SNX10: variants seen among roughly 807,000 people sequenced by gnomAD.
SNX10 encodes the protein sorting nexin 10.
SNX10 carries 25 observed loss-of-function variants against 28.5 expected under a neutral mutation model. The ratio of observed to expected loss-of-function variants is 0.88; its 90% CI spans 0.64 to 1.22. SNX10 has a LOEUF of 1.22. Among genes scored for constraint, SNX10 ranks in the 50% most tolerant of loss-of-function variants. The pLI is 0.00. For synonymous variants in SNX10, 62 were observed against 81.4 expected (o/e 0.76, Z 1.28); for missense variants, 223 against 242.6 (o/e 0.92, Z 0.54).
At chr7:26,371,099 G>A (rs1054562920) in intron 5 of SNX10, among the ~76,000 whole-genome samples, 1 of 151,334 alleles carries the variant, frequency 6.6e-6, no homozygotes, top group African/African-American at 2.4e-5. Context: ...AATCTGTTCT[G>A]TCTTTGTAAA....
At chr7:26,330,096 G>C (rs1294472941) in intron 1 of SNX10, among the ~76,000 whole-genome samples, 2 of 152,166 alleles carry the variant, frequency 1.3e-5, no homozygotes, top group Admixed American at 6.5e-5. Context: ...GGCCAGGGCT[G>C]TGGCCACATG....
In SNX10 at chr7:26,364,706, A is replaced by T; in HGVS notation, c.212+71A>T. On this transcript the variant is annotated intron_variant, in intron 4 of 6. Coordinates refer to ENST00000338523, the MANE Select transcript of SNX10 (RefSeq NM_013322.3). This position sits in a 1 kb window ranked among gnomAD's most constrained non-coding sequence, Gnocchi z 4.9. ...GTATTTAAAATTGACGTTCATTAAG[A>T]TATATAAGATATGAAGGATTTTTAT... 1 of 1,074,236 alleles carries T rather than the reference A, an allele frequency of 9.3e-7. No homozygotes were observed. The highest frequency in any genetic ancestry group is 1.4e-6 in the Non-Finnish European group (1 of 734,354). The allele number at this position is 1,074,236 out of a possible 1,614,324, so 66.5% of individuals were successfully genotyped here. A position where few individuals can be genotyped will look rare whatever the true frequency, so the allele number is the denominator to read the frequency against.
rs75993779 is a variant in SNX10, at chr7:26,347,425, A to G, written c.24+959A>G. On this transcript the variant is annotated intron_variant, in intron 2 of 6. Coordinates refer to ENST00000338523, the MANE Select transcript of SNX10 (RefSeq NM_013322.3). ...CATGGTGGCCTGTGCCTGTGGTCCT[A>G]TGTACTCAGGAGGCTGAGGTGGGAG... 4.8e-3 allele frequency among the ~76,000 whole-genome samples: 734 copies of G among 152,258 alleles called. 5 individuals carry two copies. Among genetic ancestry groups the G allele is most frequent in the African/African-American group, 0.016 (668 of 41,544 alleles).
chr7:26,320,872 T>G (rs1479684761), intron 1 of SNX10, among the ~76,000 whole-genome samples: 1 of 152,226 alleles, frequency 6.6e-6, no homozygotes. Context: ...CAGATTCACC[T>G]CTTTCCTTTG....
chr7:26,292,411 C>T (rs997233091), intron 1 of SNX10, among the ~76,000 whole-genome samples: 3 of 152,100 alleles, frequency 2.0e-5, no homozygotes, highest in African/African-American at 7.2e-5. Flanking sequence ...GCTGTGGCAC[C>T]TTACACCAGG....
intron 1 of SNX10, among the ~76,000 whole-genome samples, chr7:26,330,904 C>G (rs1315091196): frequency 3.3e-5 from 5 of 152,120 alleles, no homozygotes; most frequent in African/African-American, 1.2e-4. Flanking sequence ...AATCCCGATA[C>G]TTTGGTAGGT....
Position 26,365,103 on chromosome 7 carries a change from AC to A in SNX10, c.270del (p.His90GlnfsTer36), listed in dbSNP as rs1234648396. ...NLFFNMNNRQ[H>X]VDQRRQGLED... ...TTTTTCAACATGAACAATCGCCAGCACGTGGATCAGCGTCGCCAGGGTCTGG... is the reference window on the plus strand; with the variant it reads ...TTTTTCAACATGAACAATCGCCAGCAGTGGATCAGCGTCGCCAGGGTCTGG... On this transcript the variant is annotated frameshift_variant, in exon 5 of 7. Transcript: ENST00000338523. LOFTEE classifies it high-confidence loss of function. 1 of 1,613,554 alleles carries A rather than the reference AC, an allele frequency of 6.2e-7. No individual in the cohort carries two copies. Among genetic ancestry groups the A allele is most frequent in the Non-Finnish European group, 8.5e-7 (1 of 1,179,478 alleles).
intron 1 of SNX10, among the ~76,000 whole-genome samples, chr7:26,296,892 C>T (rs943296360): frequency 2.0e-5 from 3 of 152,104 alleles, no homozygotes; most frequent in African/African-American, 4.8e-5. Flanking sequence ...AATAGAAAGT[C>T]GAGAAATGGT....
chr7:26,321,844 A>G (rs1309721607), intron 1 of SNX10, among the ~76,000 whole-genome samples: 2 of 151,930 alleles, frequency 1.3e-5, no homozygotes, highest in East Asian at 3.9e-4. Flanking sequence ...CCTGGCCTCA[A>G]GATATCCTCT....
chr7:26,313,214 A>T (rs115265365), intron 1 of SNX10, among the ~76,000 whole-genome samples: 1,912 of 152,280 alleles, frequency 0.013, 45 homozygotes, highest in African/African-American at 0.043. Flanking sequence ...CCCACTTTTT[A>T]AAAAAAGAAC....
intron 2 of SNX10, 71 bp downstream of exon 2, chr7:26,346,537 G>A (rs1208463208): frequency 7.8e-6 from 9 of 1,157,692 alleles, no homozygotes; most frequent in Non-Finnish European, 1.0e-5. Context: ...CTTCATTTGC[G>A]AACCATAAAC....
At chr7:26,316,417 AAGTAACCAG>A (rs1351040357) in intron 1 of SNX10, among the ~76,000 whole-genome samples, 1 of 152,150 alleles carries the variant, frequency 6.6e-6, no homozygotes, top group Non-Finnish European at 1.5e-5. Context: ...GCCTTGCATT[AAGTAACCAG>A]AGGGAAAGAA....
At position 26,360,967 on chromosome 7, in the gene SNX10, C is replaced by T. The variant is rs775167883; in HGVS notation, c.25-8C>T. 1 of 1,612,616 alleles carries T rather than the reference C, an allele frequency of 6.2e-7. No homozygotes were observed. The highest frequency in any genetic ancestry group is 1.1e-5 in the South Asian group (1 of 90,920). Reference sequence around the variant, plus strand: ...AAGAATATTTCTTTGTTTATGATGCCATTACAGGAATTTGTAAGTGTCTGG... The same window carrying T: ...AAGAATATTTCTTTGTTTATGATGCTATTACAGGAATTTGTAAGTGTCTGG... On this transcript the variant is annotated splice_polypyrimidine_tract_variant and splice_region_variant and intron_variant, in intron 2 of 6. Coordinates refer to ENST00000338523, the MANE Select transcript of SNX10 (RefSeq NM_013322.3).
At chr7:26,349,540 A>G (rs563657175) in intron 2 of SNX10, among the ~76,000 whole-genome samples, 1 of 152,344 alleles carries the variant, frequency 6.6e-6, no homozygotes, top group East Asian at 1.9e-4. Flanking sequence ...TCTTCTCCAT[A>G]AAAAGGCCTT....
At chr7:26,293,775 A>C (rs377437944) in intron 1 of SNX10, among the ~76,000 whole-genome samples, 1 of 152,182 alleles carries the variant, frequency 6.6e-6, no homozygotes, top group East Asian at 1.9e-4. Context: ...TCTCCCCTCC[A>C]GGCTGGTACA....
At chr7:26,365,921 A>G (rs1459627255) in intron 5 of SNX10, among the ~76,000 whole-genome samples, 1 of 152,238 alleles carries the variant, frequency 6.6e-6, no homozygotes, top group Non-Finnish European at 1.5e-5. Context: ...GGGTAATCAT[A>G]GTACCTACCT....
At chr7:26,301,191 C>T (rs558844000) in intron 1 of SNX10, among the ~76,000 whole-genome samples, 5 of 152,138 alleles carry the variant, frequency 3.3e-5, no homozygotes, top group Non-Finnish European at 7.4e-5. Flanking sequence ...GTATGTCTAA[C>T]CAGGCTTTCT....
intron 1 of SNX10, among the ~76,000 whole-genome samples, chr7:26,313,779 G>C (rs1786944649): frequency 6.6e-6 from 1 of 152,020 alleles, no homozygotes; most frequent in Non-Finnish European, 1.5e-5. Context: ...AATCCTGAGT[G>C]CTGAAGAACC....
intron 1 of SNX10, among the ~76,000 whole-genome samples, chr7:26,328,368 A>G (rs1787587061): frequency 6.6e-6 from 1 of 152,116 alleles, no homozygotes; most frequent in Admixed American, 6.5e-5. Flanking sequence ...GGCAGGGAGA[A>G]GGTATCATGT....
Sources: gnomAD v4.1 joint callset for allele counts (sites outside exome capture counted in the v4.1 genomes callset) on GRCh38, gnomAD v4.1.1 for gene constraint, Gnocchi (gnomAD v3.1) non-coding constraint, MANE v1.5 for transcripts, NCBI Gene and HGNC (gene_info 2026-07-23, HGNC 2026-07-21) for gene names.